Variants in ARHGEF12 observed in about 807,000 individuals in gnomAD.
The protein encoded by ARHGEF12 is KMT2A/ARHGEF12 fusion protein.
In ARHGEF12, 66 loss-of-function variants were observed where a neutral mutation model predicts 211.2. The observed-to-expected ratio is 0.31, with a 90% CI of 0.26 to 0.38. The LOEUF (loss-of-function observed/expected upper bound fraction) is 0.38, where lower values mean the gene tolerates loss of function less well. ARHGEF12 is among the 10% of genes least tolerant of loss of function. ARHGEF12 has a pLI of 1.00. For synonymous variants in ARHGEF12, 592 were observed against 638.4 expected (o/e 0.93, Z 1.09); for missense variants, 1,429 against 1,869.5 (o/e 0.76, Z 4.34).
chr11:120,405,871 T>A (rs1944688846), intron 1 of ARHGEF12: 1 of 341,834 alleles, frequency 2.9e-6, no homozygotes, highest in South Asian at 8.8e-5. Flanking sequence ...TTGGGATTTT[T>A]AAAAAGAAAA....
At chr11:120,371,674 G>A (rs951336458) in intron 1 of ARHGEF12, among the ~76,000 whole-genome samples, 10 of 152,182 alleles carry the variant, frequency 6.6e-5, no homozygotes, top group East Asian at 5.8e-4. Context: ...ATTACAGTGA[G>A]ATCAGTGCAA....
At chr11:120,467,390 G>A (rs140920100) in intron 29 of ARHGEF12, 82 bp downstream of exon 29, 271 of 731,718 alleles carry the variant, frequency 3.7e-4, no homozygotes, top group Admixed American at 2.2e-4. Context: ...ATCTTACAGC[G>A]TCCTGAATGG....
intron 1 of ARHGEF12, among the ~76,000 whole-genome samples, chr11:120,376,219 TA>T (rs1028707616): frequency 6.8e-5 from 8 of 116,822 alleles, no homozygotes; most frequent in Non-Finnish European, 1.4e-4. Context: ...ATTGAAATGT[TA>T]AATTTTTTTT....
rs552549154 is a variant in ARHGEF12, at chr11:120,374,716, GAA to G, written c.33-31395_33-31394del. Among the ~76,000 whole-genome samples, 41 of 151,724 alleles carry G rather than the reference GAA, an allele frequency of 2.7e-4. No homozygotes were observed. The East Asian group carries it at 6.8e-3, about 25-fold the overall frequency. On this transcript the variant is annotated intron_variant, in intron 1 of 40. Coordinates refer to ENST00000397843, the MANE Select transcript of ARHGEF12 (RefSeq NM_015313.3). ...CAGTTCTCATGAACTTGCAAACATA[GAA>G]AAAAAATAAATATTTTTAAAAAACT... is the stretch of plus-strand genomic sequence containing the variant.
rs1947477189 is a variant in ARHGEF12 at position 120,489,287 on chromosome 11, A to G, written c.*4210A>G. ...GAGATATTCACATATCATATAATTC[A>G]TCCATTTAAAGTGTATAATCAGATG... On this transcript the variant is annotated 3_prime_UTR_variant, in exon 41 of 41. Transcript: ENST00000397843. 2 of 226,614 alleles carry G rather than the reference A, an allele frequency of 8.8e-6. No homozygotes were observed. The highest frequency in any genetic ancestry group is 1.3e-4 in the East Asian group (2 of 15,684). The allele number at this position is 226,614 out of a possible 1,614,324, so 14.0% of individuals were successfully genotyped here.
Position 120,399,364 on chromosome 11 carries a change from A to G in ARHGEF12, c.33-6754A>G, listed in dbSNP as rs185143905. 3.3e-5 allele frequency among the ~76,000 whole-genome samples: 5 copies of G among 150,322 alleles called. No homozygotes were observed. The East Asian group carries it at 9.8e-4, about 29-fold the overall frequency. Reference sequence around the variant, plus strand: ...AAAAAAAAAAAAAGAAAAGAAAGATAAATAGATCTATGTCTAGTTAATTCG... The same window carrying G: ...AAAAAAAAAAAAAGAAAAGAAAGATGAATAGATCTATGTCTAGTTAATTCG... On this transcript the variant is annotated intron_variant, in intron 1 of 40. Coordinates refer to ENST00000397843, the MANE Select transcript of ARHGEF12 (RefSeq NM_015313.3).
At chr11:120,451,462 C>T (rs1946211385) in intron 21 of ARHGEF12, 50 bp from the exon 22 acceptor site, 1 of 1,577,670 alleles carries the variant, frequency 6.3e-7, no homozygotes, top group Non-Finnish European at 8.7e-7. Flanking sequence ...TAGGCTTGAG[C>T]CACCGCACCC....
intron 1 of ARHGEF12, among the ~76,000 whole-genome samples, chr11:120,357,022 T>TG (rs1943148677): frequency 6.6e-6 from 1 of 152,070 alleles, no homozygotes; most frequent in African/African-American, 2.4e-5. Context: ...CTGTTTTTTT[T>TG]TTTGTTTTGT....
At chr11:120,424,258 A>G in intron 6 of ARHGEF12, 100 bp from the exon 7 acceptor site, 3 of 738,956 alleles carry the variant, frequency 4.1e-6, no homozygotes, top group Admixed American at 2.3e-5. Flanking sequence ...TGTGATTACT[A>G]TATTATATTG....
chr11:120,346,752 T>C (rs148935024), intron 1 of ARHGEF12, among the ~76,000 whole-genome samples: 187 of 152,362 alleles, frequency 1.2e-3, no homozygotes, highest in Middle Eastern at 3.4e-3. Flanking sequence ...GAGAATGGTA[T>C]GATGAACCTC....
At chr11:120,353,122 T>A (rs1943033695) in intron 1 of ARHGEF12, among the ~76,000 whole-genome samples, 1 of 152,162 alleles carries the variant, frequency 6.6e-6, no homozygotes, top group Non-Finnish European at 1.5e-5. Context: ...TTTCAGAAGT[T>A]TTGGTCTATC....
chr11:120,378,141 C>T (rs1041097036), intron 1 of ARHGEF12, among the ~76,000 whole-genome samples: 8 of 152,056 alleles, frequency 5.3e-5, no homozygotes, highest in Non-Finnish European at 8.8e-5. Flanking sequence ...CTAGAAATGT[C>T]GAAGAGTTTT....
At chr11:120,357,385 G>A (rs1943159402) in intron 1 of ARHGEF12, among the ~76,000 whole-genome samples, 1 of 152,186 alleles carries the variant, frequency 6.6e-6, no homozygotes, top group Non-Finnish European at 1.5e-5. Context: ...GGAACTTCGA[G>A]TCTAATAGAG....
intron 1 of ARHGEF12, among the ~76,000 whole-genome samples, chr11:120,375,173 G>A (rs1943692797): frequency 6.6e-6 from 1 of 152,048 alleles, no homozygotes; most frequent in Admixed American, 6.6e-5. Flanking sequence ...TCAGGTTTTA[G>A]GCAAAGTGAG....
Position 120,408,155 on chromosome 11 carries a change from T to A in ARHGEF12, c.142+332T>A, listed in dbSNP as rs759480210. On this transcript the variant is annotated intron_variant, in intron 3 of 40. Transcript: ENST00000397843. Reference sequence around the variant, plus strand: ...GAATCATGGTATAAGCAGTAATATGTCATAAAACCAAGGCTCTAACAACTC... The same window carrying A: ...GAATCATGGTATAAGCAGTAATATGACATAAAACCAAGGCTCTAACAACTC... 5.0e-4 allele frequency: 97 copies of A among 192,830 alleles called. 1 individual carries two copies. In the Middle Eastern group the frequency reaches 0.012, roughly 24 times the overall value. 11.9% of individuals were successfully genotyped at this position (192,830 alleles called of 1,614,324 possible). A position where few individuals can be genotyped will look rare whatever the true frequency, so the allele number is the denominator to read the frequency against.
intron 1 of ARHGEF12, among the ~76,000 whole-genome samples, chr11:120,369,125 C>CTTTTTTTTT (rs1183494101): frequency 1.6e-4 from 21 of 127,300 alleles, no homozygotes; most frequent in East Asian, 2.2e-4. Context: ...TTCTTTTCTT[C>CTTTTTTTTT]TTTTTTTTTT....
intron 1 of ARHGEF12, among the ~76,000 whole-genome samples, chr11:120,341,756 TC>T (rs1388311769): frequency 1.3e-5 from 2 of 152,248 alleles, no homozygotes; most frequent in Non-Finnish European, 2.9e-5. Flanking sequence ...CTTCTTTTGG[TC>T]TTTTCTGTTA....
At chr11:120,346,528 G>C (rs975959454) in intron 1 of ARHGEF12, among the ~76,000 whole-genome samples, 2 of 152,210 alleles carry the variant, frequency 1.3e-5, no homozygotes, top group Non-Finnish European at 2.9e-5. Context: ...GTGGGGTAAG[G>C]ATGTATAGTC....
At chr11:120,362,477 G>A (rs1015726144) in intron 1 of ARHGEF12, among the ~76,000 whole-genome samples, 14 of 152,100 alleles carry the variant, frequency 9.2e-5, no homozygotes, top group Admixed American at 2.0e-4. Context: ...ATCTCAACCC[G>A]TTGTACTTGA....
Sources: allele counts gnomAD v4.1 joint callset (sites outside exome capture counted in the v4.1 genomes callset), GRCh38; gene constraint gnomAD v4.1.1; transcripts MANE v1.5; gene names NCBI Gene and HGNC (gene_info 2026-07-23, HGNC 2026-07-21).